The following CEP44 variants were observed in gnomAD, a reference collection of about 807,000 sequenced individuals.
The protein encoded by CEP44 is centrosomal protein of 44 kDa.
CEP44 carries 45 observed loss-of-function variants against 46.7 expected under a neutral mutation model. That is an observed-to-expected ratio of 0.96 (90% CI 0.76 to 1.24). The LOEUF is 1.24. Among genes scored for constraint, CEP44 ranks in the 50% most tolerant of loss-of-function variants. The pLI is 0.00. For missense variants in CEP44, 475 were observed against 459.7 expected (o/e 1.03, Z -0.30); for synonymous variants, 142 against 146.0 (o/e 0.97, Z 0.20).
chr4:174,319,106 C>A lies in CEP44; in HGVS notation c.*1723C>A. 1.0e-6 allele frequency: 1 copy of A among 983,626 alleles called. No homozygotes were observed. The highest frequency in any genetic ancestry group is 1.2e-6 in the Non-Finnish European group (1 of 828,400). The allele number at this position is 983,626 out of a possible 1,614,324, so 60.9% of individuals were successfully genotyped here. On this transcript the variant is annotated 3_prime_UTR_variant, in exon 12 of 12. Transcript: ENST00000503780. ...TCCATGGGTGAGTCACCATGCTTGG[C>A]CACATTTTTAGTATTCTAATAAACA... is the stretch of plus-strand genomic sequence containing the variant.
rs1207492397 is a variant in CEP44, at chr4:174,317,875, C to CA, written c.*493dup. On this transcript the variant is annotated 3_prime_UTR_variant, in exon 12 of 12. Coordinates refer to ENST00000503780, the MANE Select transcript of CEP44 (RefSeq NM_001040157.3). The stretch of plus-strand genomic sequence containing the variant: ...TTGAAAATTAAATAAAACAAAAAGG[C>CA]AGTTATTTCATGCTTGGTCAAAAAC... 1 of 985,302 alleles carries CA rather than the reference C, an allele frequency of 1.0e-6. No homozygotes were observed. The highest frequency in any genetic ancestry group is 1.7e-5 in the African/African-American group (1 of 57,304). 61.0% of individuals were successfully genotyped at this position (985,302 alleles called of 1,614,324 possible).
rs542600095 is a variant in CEP44 at position 174,286,257 on chromosome 4, A to G, written c.-148+2314A>G. 2.0e-5 allele frequency among the ~76,000 whole-genome samples: 3 copies of G among 152,308 alleles called. No homozygotes were observed. The highest frequency in any genetic ancestry group is 2.1e-4 in the South Asian group (1 of 4,826). On this transcript the variant is annotated intron_variant, in intron 1 of 11. Transcript: ENST00000503780. This position sits in a 1 kb window ranked among gnomAD's most constrained non-coding sequence, Gnocchi z 5.2. ...TTAAAGTAGGAAGCTTACTAAATTTAGGATTTTGTAAATCGGTGACCTTCT... is the reference window on the plus strand; with the variant it reads ...TTAAAGTAGGAAGCTTACTAAATTTGGGATTTTGTAAATCGGTGACCTTCT...
In CEP44 at chr4:174,319,552, A is replaced by T. The variant is rs1313684842; in HGVS notation, c.*2169A>T. On this transcript the variant is annotated 3_prime_UTR_variant, in exon 12 of 12. Coordinates refer to ENST00000503780, the MANE Select transcript of CEP44 (RefSeq NM_001040157.3). ...TTCTTTTTTTCTTTATATAGTGCAG[A>T]TATACACACAGAGAAGGGACTTAAA... 3 of 828,624 alleles carry T rather than the reference A, an allele frequency of 3.6e-6. No homozygotes were observed. The highest frequency in any genetic ancestry group is 1.2e-4 in the East Asian group (1 of 8,076). 51.3% of individuals were successfully genotyped at this position (828,624 alleles called of 1,614,324 possible).
In CEP44 at chr4:174,329,809, CTACTG is replaced by C. The variant is rs1464261392; in HGVS notation, c.1087-1672_1087-1668del. Among the ~76,000 whole-genome samples, 4 of 152,056 alleles carry C rather than the reference CTACTG, an allele frequency of 2.6e-5. No individual in the cohort carries two copies. The highest frequency in any genetic ancestry group is 5.9e-5 in the Non-Finnish European group (4 of 68,002). ...AAGATAGATTTATGGTAAAAATAGA[CTACTG>C]AACTGTCTTGTTAAATTTTTAAAGA... is the stretch of plus-strand genomic sequence containing the variant. On this transcript the variant is annotated intron_variant, in intron 8 of 8. Coordinates refer to the CEP44 transcript ENST00000426172. The surrounding 1 kb of genome is among the most constrained non-coding windows in gnomAD (Gnocchi z 4.0).
downstream of CEP44, among the ~76,000 whole-genome samples, chr4:174,321,301 A>G (rs980889284): frequency 2.0e-5 from 3 of 152,170 alleles, no homozygotes; most frequent in Admixed American, 6.5e-5. Flanking sequence ...TTTTATCTAA[A>G]TATATACAGC....
chr4:174,313,295 A>G (rs17060459), intron 9 of CEP44, among the ~76,000 whole-genome samples: 12,071 of 151,618 alleles, frequency 0.08, 588 homozygotes, highest in South Asian at 0.22. Flanking sequence ...TTAGGTGTTA[A>G]TTGCCAGACA....
At chr4:174,328,325 TG>T (rs1426900990) in intron 8 of CEP44, among the ~76,000 whole-genome samples, 2 of 152,230 alleles carry the variant, frequency 1.3e-5, no homozygotes, top group Admixed American at 1.3e-4. Flanking sequence ...GAGTAGATGA[TG>T]GTTACCTAGA....
Position 174,310,074 on chromosome 4 carries a change from C to T in CEP44, c.885+18C>T. Reference sequence around the variant, plus strand: ...CTAAAAAGGTATTTTCCTCCTTTAACATTTATAAAATATCTCAGATATAAC... The same window carrying T: ...CTAAAAAGGTATTTTCCTCCTTTAATATTTATAAAATATCTCAGATATAAC... On this transcript the variant is annotated intron_variant, in intron 8 of 11. Coordinates refer to ENST00000503780, the MANE Select transcript of CEP44 (RefSeq NM_001040157.3). The surrounding 1 kb of genome is among the most constrained non-coding windows in gnomAD (Gnocchi z 4.2). The T allele has an allele frequency of 6.3e-7, 1 of 1,596,198 alleles. No homozygotes were observed. The highest frequency in any genetic ancestry group is 1.7e-4 in the Middle Eastern group (1 of 5,738).
At chr4:174,283,764 C>T (rs534672936), upstream of CEP44, 30 of 397,868 alleles carry the variant, frequency 7.5e-5, no homozygotes, top group South Asian at 3.8e-3. This position sits in a 1 kb window ranked among gnomAD's most constrained non-coding sequence, Gnocchi z 6.7. Context: ...CACTTCGTAG[C>T]ACGAGCCACT....
chr4:174,322,554 A>G (rs897311572), downstream of CEP44, among the ~76,000 whole-genome samples: 6 of 152,134 alleles, frequency 3.9e-5, no homozygotes, highest in African/African-American at 1.2e-4. Flanking sequence ...ACTATTTGCA[A>G]TTGTTGCTCA....
intron 9 of CEP44, 119 bp from the exon 10 acceptor site, chr4:174,316,047 A>T (rs776954503): frequency 8.1e-7 from 1 of 1,238,160 alleles, no homozygotes; most frequent in South Asian, 1.4e-5. Context: ...TCTTTGATCT[A>T]TGCGGATAGC....
At chr4:174,304,868 A>C (rs1370189878) in intron 6 of CEP44, among the ~76,000 whole-genome samples, 1 of 152,172 alleles carries the variant, frequency 6.6e-6, no homozygotes, top group Non-Finnish European at 1.5e-5. Flanking sequence ...TTGAAAGATA[A>C]TTTTTCTGCC....
intron 11 of CEP44, 66 bp downstream of exon 11, chr4:174,316,633 A>G: frequency 7.1e-7 from 1 of 1,412,970 alleles, no homozygotes; most frequent in Admixed American, 2.3e-5. Context: ...ATTACAGTAT[A>G]TATAGAATGT....
chr4:174,317,663 C>A lies in CEP44; in HGVS notation c.*280C>A. 1 of 1,021,000 alleles carries A rather than the reference C, an allele frequency of 9.8e-7. No homozygotes were observed. Among genetic ancestry groups the A allele is most frequent in the African/African-American group, 1.7e-5 (1 of 58,322 alleles). 63.2% of individuals were successfully genotyped at this position (1,021,000 alleles called of 1,614,324 possible). A position where few individuals can be genotyped will look rare whatever the true frequency, so the allele number is the denominator to read the frequency against. On this transcript the variant is annotated 3_prime_UTR_variant, in exon 12 of 12. Transcript: ENST00000503780. The stretch of plus-strand genomic sequence containing the variant: ...GTGAAGTCATTACAGCACTGTATTT[C>A]TGTGTTGACATTTGTTGGCAGTGTG...
At chr4:174,307,028 C>T (rs1281914555) in intron 6 of CEP44, among the ~76,000 whole-genome samples, 1 of 152,126 alleles carries the variant, frequency 6.6e-6, no homozygotes, top group Non-Finnish European at 1.5e-5. Flanking sequence ...GTTAAAATGA[C>T]TGTACTGCCC....
intron 4 of CEP44, among the ~76,000 whole-genome samples, chr4:174,302,565 A>AT (rs568532192): frequency 2.1e-4 from 32 of 149,546 alleles, no homozygotes; most frequent in South Asian, 4.2e-4. Context: ...TATTACTGAC[A>AT]TTTTTTTTTT....
In CEP44 at chr4:174,318,640, A is replaced by G. The variant is rs1163146429; in HGVS notation, c.*1257A>G. ...TTAATATTATATGGACCATCTGATT[A>G]TATTTTATTTATTCATCTATTTATG... On this transcript the variant is annotated 3_prime_UTR_variant, in exon 12 of 12. Coordinates refer to ENST00000503780, the MANE Select transcript of CEP44 (RefSeq NM_001040157.3). 1.8e-5 allele frequency: 11 copies of G among 603,906 alleles called. No homozygotes were observed. The highest frequency in any genetic ancestry group is 2.3e-5 in the Non-Finnish European group (11 of 482,784). 37.4% of individuals were successfully genotyped at this position (603,906 alleles called of 1,614,324 possible).
chr4:174,330,687 G>C (rs894769211), intron 8 of CEP44, among the ~76,000 whole-genome samples: 7 of 125,842 alleles, frequency 5.6e-5, no homozygotes, highest in African/African-American at 1.7e-4. Context: ...TTTTATTATA[G>C]CATGTGTTTT....
At chr4:174,300,098 C>T (rs1248944998) in intron 3 of CEP44, among the ~76,000 whole-genome samples, 1 of 152,020 alleles carries the variant, frequency 6.6e-6, no homozygotes. Context: ...GGGACAAGTC[C>T]AAGTTAGATG....
Sources: gnomAD v4.1 joint callset for allele counts (sites outside exome capture counted in the v4.1 genomes callset) on GRCh38, gnomAD v4.1.1 for gene constraint, Gnocchi (gnomAD v3.1) non-coding constraint, MANE v1.5 for transcripts, NCBI Gene and HGNC (gene_info 2026-07-23, HGNC 2026-07-21) for gene names.